ANKRD36B: variants seen among roughly 807,000 people sequenced by gnomAD.
ANKRD36B encodes ankyrin repeat domain 36B, also known as ankyrin repeat domain-containing protein 36B.
Under a neutral mutation model 135.7 loss-of-function variants are expected in ANKRD36B, and 37 were observed. That is an observed-to-expected ratio of 0.27 (90% confidence interval 0.21 to 0.36). The LOEUF is 0.36. ANKRD36B is among the 10% of genes least tolerant of loss of function. The probability of loss-of-function intolerance (pLI) is 1.00; values close to 1 mark genes in which losing one functional copy is unlikely to be tolerated. For synonymous variants in ANKRD36B, 179 were observed against 348.1 expected (o/e 0.51, Z 5.41); for missense variants, 549 against 1,037.1 (o/e 0.53, Z 6.46).
intron 6 of ANKRD36B, among the ~76,000 whole-genome samples, chr2:97,573,439 A>G (rs1399783029): frequency 6.6e-6 from 1 of 152,292 alleles, no homozygotes; most frequent in Non-Finnish European, 1.5e-5. Context: ...GGAAGAATCA[A>G]TATCATGAAA....
intron 34 of ANKRD36B, among the ~76,000 whole-genome samples, chr2:97,535,475 CA>C (rs1390011808): frequency 1.2e-3 from 95 of 76,772 alleles, no homozygotes; most frequent in African/African-American, 4.4e-3. Flanking sequence ...AAATTAAAAA[CA>C]AAAAAATAAA....
Position 97,527,613 on chromosome 2 carries a change from T to C in ANKRD36B, c.2266-4146A>G. On this transcript the variant is annotated intron_variant, in intron 35 of 43. Coordinates refer to ENST00000359901, the MANE Select transcript of ANKRD36B (RefSeq NM_001393939.1). ...CAATTAAAAGACACAGACTGGCAAATTGGATAAAGAGTCAAGACCCATCAG... is the reference window on the plus strand; with the variant it reads ...CAATTAAAAGACACAGACTGGCAAACTGGATAAAGAGTCAAGACCCATCAG... Among the ~76,000 whole-genome samples, 2 of 95,512 alleles carry C rather than the reference T, an allele frequency of 2.1e-5. 1 individual carries two copies. Among genetic ancestry groups the C allele is most frequent in the East Asian group, 4.6e-4 (2 of 4,322 alleles). The allele number at this position is 95,512 out of a possible 152,430, so 62.7% of individuals were successfully genotyped here.
Position 97,527,374 on chromosome 2 carries a change from A to G in ANKRD36B, c.2266-3907T>C, listed in dbSNP as rs2078273933. ...AATGATGAGAGATTTTGTCACCATG[A>G]GGCCTGCCCTAAAAGAGCTCCTGAA... On this transcript the variant is annotated intron_variant, in intron 35 of 43. Transcript: ENST00000359901. 2.1e-5 allele frequency among the ~76,000 whole-genome samples: 2 copies of G among 95,012 alleles called. 1 individual carries two copies. 62.3% of individuals were successfully genotyped at this position (95,012 alleles called of 152,430 possible). A position where few individuals can be genotyped will look rare whatever the true frequency, so the allele number is the denominator to read the frequency against.
intron 22 of ANKRD36B, 116 bp from the exon 23 acceptor site, chr2:97,545,977 G>C: frequency 1.1e-6 from 1 of 916,930 alleles, no homozygotes; most frequent in South Asian, 1.3e-5. Flanking sequence ...TGTAGGCTTT[G>C]ATGGCTTCTA....
intron 6 of ANKRD36B, among the ~76,000 whole-genome samples, chr2:97,573,461 G>A (rs538109913): frequency 1.3e-5 from 2 of 152,192 alleles, no homozygotes; most frequent in Admixed American, 1.3e-4. Flanking sequence ...TGGCCATACT[G>A]CCCAAGGTAA....
Position 97,551,611 on chromosome 2 carries a change from G to T in ANKRD36B, c.1274-131C>A, listed in dbSNP as rs1187741752. On this transcript the variant is annotated intron_variant, in intron 16 of 43. Transcript: ENST00000359901. The stretch of plus-strand genomic sequence containing the variant: ...CGTAGGTTTTGATGGCTTCTACTTT[G>T]TGTCTGGGGATTAGAACATGACAGA... 5 of 1,437,934 alleles carry T rather than the reference G, an allele frequency of 3.5e-6. No individual in the cohort carries two copies. In the East Asian group the frequency reaches 9.6e-5, roughly 27 times the overall value. The allele number at this position is 1,437,934 out of a possible 1,614,324, so 89.1% of individuals were successfully genotyped here.
At chr2:97,562,102 C>T (rs1372195129) in intron 6 of ANKRD36B, among the ~76,000 whole-genome samples, 1 of 151,946 alleles carries the variant, frequency 6.6e-6, no homozygotes, top group African/African-American at 2.4e-5. Context: ...TCTACCTTCT[C>T]ACTGTCTCTT....
chr2:97,559,099 A>G, intron 8 of ANKRD36B, 105 bp from the exon 9 acceptor site: 2 of 1,478,934 alleles, frequency 1.4e-6, no homozygotes, highest in Non-Finnish European at 1.8e-6. Flanking sequence ...TGCCTGTACT[A>G]GTGTAGGCTT....
rs2104563814 is a variant in ANKRD36B, at chr2:97,545,291, T to A, written c.1681+375A>T. 2.1e-5 allele frequency among the ~76,000 whole-genome samples: 2 copies of A among 95,854 alleles called. 1 individual carries two copies. Among genetic ancestry groups the A allele is most frequent in the East Asian group, 4.6e-4 (2 of 4,312 alleles). 62.9% of individuals were successfully genotyped at this position (95,854 alleles called of 152,430 possible). ...GTTTTTGTGGTATTAGGATCACTTT[T>A]CCCTCTGTTTATCCCAATACAATCT... On this transcript the variant is annotated intron_variant, in intron 24 of 43. Transcript: ENST00000359901.
In ANKRD36B at chr2:97,571,262, T is replaced by C. The variant is rs371181775; in HGVS notation, c.763+5117A>G. 3.9e-3 allele frequency among the ~76,000 whole-genome samples: 599 copies of C among 152,200 alleles called. 5 individuals carry two copies. Among genetic ancestry groups the C allele is most frequent in the East Asian group, 0.013 (65 of 5,178 alleles). On this transcript the variant is annotated intron_variant, in intron 6 of 43. Coordinates refer to ENST00000359901, the MANE Select transcript of ANKRD36B (RefSeq NM_001393939.1). ...CAACGGCTGAGGCAGGAAGATTGCT[T>C]GAGATCAAAAGTTTGAGGCTGCAGT...
chr2:97,573,496 T>A lies in ANKRD36B; in HGVS notation c.763+2883A>T, dbSNP rs548212101. 1.9e-4 allele frequency among the ~76,000 whole-genome samples: 29 copies of A among 152,198 alleles called. 1 individual carries two copies. The South Asian group carries it at 4.8e-3, about 25-fold the overall frequency. ...ATTTATAGATTCAATGCCATCCCCA[T>A]CAAGCTATCAATGACTTTCTTCACA... On this transcript the variant is annotated intron_variant, in intron 6 of 43. Transcript: ENST00000359901.
chr2:97,530,348 C>T (rs1333420220), intron 35 of ANKRD36B, among the ~76,000 whole-genome samples: 9 of 93,970 alleles, frequency 9.6e-5, no homozygotes, highest in African/African-American at 2.9e-4. Context: ...AACTGGCTAG[C>T]CATATGTAGA....
In ANKRD36B at chr2:97,534,735, G is replaced by A. The variant is rs570410936; in HGVS notation, c.2191+1565C>T. On this transcript the variant is annotated intron_variant, in intron 34 of 43. Coordinates refer to ENST00000359901, the MANE Select transcript of ANKRD36B (RefSeq NM_001393939.1). ...ACCCTCGTACACCATTGGTGGCATT[G>A]TGAATTAGTACAGTCACTATGGAGA... is the stretch of plus-strand genomic sequence containing the variant. Among the ~76,000 whole-genome samples the A allele has an allele frequency of 2.0e-4, 19 of 97,124 alleles. 1 individual carries two copies. Among genetic ancestry groups the A allele is most frequent in the South Asian group, 7.0e-4 (3 of 4,258 alleles). 63.7% of individuals were successfully genotyped at this position (97,124 alleles called of 152,430 possible).
At chr2:97,575,066 T>C (rs1414168518) in intron 6 of ANKRD36B, among the ~76,000 whole-genome samples, 2 of 151,400 alleles carry the variant, frequency 1.3e-5, no homozygotes, top group African/African-American at 4.8e-5. Flanking sequence ...TAATTGGCTT[T>C]TGAGTAATCT....
intron 22 of ANKRD36B, chr2:97,547,258 G>C (rs1274914758): frequency 1.2e-5 from 4 of 340,684 alleles, no homozygotes; most frequent in Non-Finnish European, 1.6e-5. Context: ...GAGAATTAAA[G>C]CAAAATTATG....
chr2:97,528,123 C>G (rs2078324444), intron 35 of ANKRD36B, among the ~76,000 whole-genome samples: 1 of 95,522 alleles, frequency 1.0e-5, no homozygotes, highest in South Asian at 2.4e-4. Context: ...CCACACCACA[C>G]CTATTCCAAA....
At position 97,539,314 on chromosome 2, in the gene ANKRD36B, A is replaced by T. The variant is rs1349877743; in HGVS notation, c.1987+720T>A. Among the ~76,000 whole-genome samples, 4 of 97,104 alleles carry T rather than the reference A, an allele frequency of 4.1e-5. 2 individuals carry two copies. The highest frequency in any genetic ancestry group is 1.1e-4 in the Non-Finnish European group (4 of 36,416). 63.7% of individuals were successfully genotyped at this position (97,104 alleles called of 152,430 possible). A position where few individuals can be genotyped will look rare whatever the true frequency, so the allele number is the denominator to read the frequency against. On this transcript the variant is annotated intron_variant, in intron 30 of 43. Coordinates refer to ENST00000359901, the MANE Select transcript of ANKRD36B (RefSeq NM_001393939.1). ...TTGAAAAGCCAATATATGCATATTC[A>T]TGTTTATTTCATTTGAATAACTAAT...
intron 18 of ANKRD36B, 33 bp downstream of exon 18, chr2:97,551,256 G>A: frequency 6.5e-7 from 1 of 1,539,590 alleles, no homozygotes; most frequent in Non-Finnish European, 8.7e-7. Context: ...TATCTGGACT[G>A]AACATGACAT....
chr2:97,580,393 G>C (rs1008138657), intron 4 of ANKRD36B, 69 bp downstream of exon 4: 2 of 1,341,600 alleles, frequency 1.5e-6, no homozygotes, highest in East Asian at 2.7e-5. Flanking sequence ...TTTGTGACTT[G>C]AGTGACTGCT....
Sources: gnomAD v4.1 joint callset for allele counts (sites outside exome capture counted in the v4.1 genomes callset) on GRCh38, gnomAD v4.1.1 for gene constraint, MANE v1.5 for transcripts, NCBI Gene and HGNC (gene_info 2026-07-23, HGNC 2026-07-21) for gene names.